ADAMTS7: variants seen among roughly 807,000 people sequenced by gnomAD.
ADAMTS7 encodes ADAM metallopeptidase with thrombospondin type 1 motif 7, also known as A disintegrin and metalloproteinase with thrombospondin motifs 7.
A neutral mutation model predicts 172.6 loss-of-function variants in ADAMTS7; 89 were observed. The ratio of observed to expected loss-of-function variants is 0.52; its 90% CI spans 0.43 to 0.61. ADAMTS7 has a LOEUF of 0.61. Among genes scored for constraint, ADAMTS7 ranks in the 20% least tolerant of loss-of-function variants. The probability of loss-of-function intolerance (pLI) is 0.00; values close to 1 mark genes in which losing one functional copy is unlikely to be tolerated. For synonymous variants in ADAMTS7, 885 were observed against 978.4 expected, an observed-to-expected ratio of 0.90 and a Z score of 1.78; for missense variants, 1,973 against 2,355.6, an observed-to-expected ratio of 0.84 and a Z score of 3.36.
At position 78,764,691 on chromosome 15, in the gene ADAMTS7, C is replaced by T; in HGVS notation, c.4283G>A (p.Gly1428Asp). 2.6e-6 allele frequency: 4 copies of T among 1,550,920 alleles called. No homozygotes were observed. Among genetic ancestry groups the T allele is most frequent in the Non-Finnish European group, 3.5e-6 (4 of 1,157,384 alleles). ...GNWSECSTTCGLGAVWRPVRC... is the reference protein window; with the variant it reads ...GNWSECSTTCDLGAVWRPVRC... Reference sequence around the variant, plus strand: ...CACCGGCCTCCAGACCGCACCCAGGCCACAGGTGGTAGAGCACTGCGGGGC... The same window carrying T: ...CACCGGCCTCCAGACCGCACCCAGGTCACAGGTGGTAGAGCACTGCGGGGC... The change falls in exon 20 of 24, where the codon GGC becomes GAC. Residue 1428 changes from glycine (G) to aspartate (D), a missense_variant. By Grantham distance (94) the Gly-to-Asp change is moderately conservative. Around this residue, in one of 8 missense-constraint regions of ADAMTS7, gnomAD observed 218 missense variants for 216.9 expected, o/e 1.01. Transcript: ENST00000388820.
intron 2 of ADAMTS7, among the ~76,000 whole-genome samples, chr15:78,798,611 A>T (rs1254065708): frequency 6.6e-6 from 1 of 152,132 alleles, no homozygotes; most frequent in Non-Finnish European, 1.5e-5. Flanking sequence ...ATCCACAGCC[A>T]CACCCGAGCG....
intron 8 of ADAMTS7, among the ~76,000 whole-genome samples, chr15:78,782,877 A>G (rs2055448190): frequency 6.6e-6 from 1 of 152,056 alleles, no homozygotes; most frequent in Admixed American, 6.6e-5. Flanking sequence ...GCCACCTGCC[A>G]CCCAGCAGAG....
At chr15:78,763,512 C>T (rs968868984) in intron 22 of ADAMTS7, among the ~76,000 whole-genome samples, 187 bp downstream of exon 22, 1 of 152,256 alleles carries the variant, frequency 6.6e-6, no homozygotes, top group Non-Finnish European at 1.5e-5. Context: ...CACCACAGCA[C>T]ACGCGCCCTT....
Position 78,766,536 on chromosome 15 carries a change from C to T in ADAMTS7, c.3375G>A (p.Leu1125=), listed in dbSNP as rs753379095. 3 of 1,594,664 alleles carry T rather than the reference C, an allele frequency of 1.9e-6. 1 individual carries two copies. Among genetic ancestry groups the T allele is most frequent in the Non-Finnish European group, 2.6e-6 (3 of 1,170,810 alleles). The change falls in exon 19 of 24, where the codon CTG becomes CTA. Residue 1125 remains leucine, a synonymous_variant. Coordinates refer to ENST00000388820, the MANE Select transcript of ADAMTS7 (RefSeq NM_014272.5). ...EPPAAKEEGV[L]GPWSPSPWPS... is the part of the protein sequence containing the mutation. ...GCCAAGGGCTCGGGGACCAAGGTCC[C>T]AGTACCCCCTCCTCCTTGGCTGCAG...
intron 1 of ADAMTS7, among the ~76,000 whole-genome samples, chr15:78,801,113 G>A (rs1221669114): frequency 6.6e-6 from 1 of 152,044 alleles, no homozygotes; most frequent in Non-Finnish European, 1.5e-5. Context: ...CCCTCCCCTC[G>A]TGTTTTCACC....
intron 1 of ADAMTS7, among the ~76,000 whole-genome samples, chr15:78,807,264 G>T (rs1008025242): frequency 5.9e-5 from 9 of 152,146 alleles, no homozygotes; most frequent in Non-Finnish European, 1.2e-4. Context: ...ATGGAAGCAG[G>T]TATGTAACTG....
Position 78,774,809 on chromosome 15 carries a change from G to A in ADAMTS7, c.1707-16C>T. On this transcript the variant is annotated splice_polypyrimidine_tract_variant and intron_variant, in intron 11 of 23. Coordinates refer to ENST00000388820, the MANE Select transcript of ADAMTS7 (RefSeq NM_014272.5). ...GTATTTGGGCCTGTGGGGAGAACCG[G>A]GGTGGGCCCCAGTGACGGCCCAGTG... 6.3e-7 allele frequency: 1 copy of A among 1,576,504 alleles called. No individual in the cohort carries two copies. The highest frequency in any genetic ancestry group is 8.6e-7 in the Non-Finnish European group (1 of 1,158,490).
intron 3 of ADAMTS7, among the ~76,000 whole-genome samples, chr15:78,797,335 C>G (rs2055658998): frequency 6.6e-6 from 1 of 152,256 alleles, no homozygotes; most frequent in Non-Finnish European, 1.5e-5. Flanking sequence ...AAGAAGCATG[C>G]CTCTGTGGAT....
In ADAMTS7 at chr15:78,766,090, C is replaced by A; in HGVS notation, c.3821G>T (p.Gly1274Val). ...GTVAWEPALEGGLGPVDSELW... is the reference protein window; with the variant it reads ...GTVAWEPALEVGLGPVDSELW... ...TTCACTGTCCACAGGCCCCAGGCCA[C>A]CCTCCAGAGCTGGCTCCCAGGCCAC... Residue 1274 changes from glycine to valine, a missense_variant, in exon 19 of 24, where the codon GGT becomes GTT. Transcript: ENST00000388820. 2.5e-6 allele frequency: 4 copies of A among 1,610,666 alleles called. No individual in the cohort carries two copies. The highest frequency in any genetic ancestry group is 2.2e-5 in the South Asian group (2 of 91,006).
intron 14 of ADAMTS7, among the ~76,000 whole-genome samples, 187 bp from the exon 15 acceptor site, chr15:78,772,016 A>C (rs2055259583): frequency 6.6e-6 from 1 of 151,728 alleles, no homozygotes; most frequent in South Asian, 2.1e-4. Flanking sequence ...ACAAATCCTG[A>C]CCCCGTGGCC....
chr15:78,772,956 G>T, intron 14 of ADAMTS7, 127 bp downstream of exon 14: 13 of 1,268,970 alleles, frequency 1.0e-5, no homozygotes, highest in Non-Finnish European at 1.4e-5. Flanking sequence ...CCCCAGCAAG[G>T]CTTCCCTGCT....
chr15:78,774,691 C>T lies in ADAMTS7; in HGVS notation c.1809G>A (p.Gln603=), dbSNP rs377026196. The change falls in exon 12 of 24, where the codon CAG becomes CAA. Residue 603 remains glutamine (Q), a synonymous_variant. Transcript: ENST00000388820. The stretch of plus-strand genomic sequence containing the variant: ...AGAGCATAGCGTCAAAGTGGCTGCA[C>T]TGGACGTGGCGGAAGGAGGGGCGGC... The part of the protein sequence containing the change: ...PAGRPSFRHV[Q]CSHFDAMLYK... 48 of 1,611,584 alleles carry T rather than the reference C, an allele frequency of 3.0e-5. No individual in the cohort carries two copies. Among genetic ancestry groups the T allele is most frequent in the Non-Finnish European group, 4.0e-5 (47 of 1,179,816 alleles).
At chr15:78,767,646 G>T in intron 17 of ADAMTS7, 54 bp from the exon 18 acceptor site, 1 of 1,475,094 alleles carries the variant, frequency 6.8e-7, no homozygotes, top group Non-Finnish European at 9.1e-7. Context: ...TGGCCTGCAG[G>T]CTCACCAGCA....
intron 1 of ADAMTS7, among the ~76,000 whole-genome samples, chr15:78,807,684 T>C (rs1468695191): frequency 7.3e-6 from 1 of 136,468 alleles, no homozygotes; most frequent in African/African-American, 2.4e-5. Flanking sequence ...TGAGTTAGTA[T>C]GTAAGTGCTT....
intron 8 of ADAMTS7, among the ~76,000 whole-genome samples, chr15:78,778,096 A>T (rs12907764): frequency 1.3e-5 from 2 of 151,788 alleles, no homozygotes; most frequent in African/African-American, 2.4e-5. Flanking sequence ...GCCCAGGGCA[A>T]CCATGCCTGT....
chr15:78,778,064 G>A (rs1310757958), intron 8 of ADAMTS7, among the ~76,000 whole-genome samples: 2 of 152,248 alleles, frequency 1.3e-5, no homozygotes, highest in African/African-American at 4.8e-5. Context: ...GGTCTGGAAA[G>A]CAGCCCCTCC....
intron 6 of ADAMTS7, among the ~76,000 whole-genome samples, chr15:78,790,220 A>T (rs911732556): frequency 6.6e-6 from 1 of 152,174 alleles, no homozygotes; most frequent in Non-Finnish European, 1.5e-5. Context: ...CATCCTTCTG[A>T]TGGGACAGAT....
In ADAMTS7 at chr15:78,766,683, C is replaced by T. The variant is rs2141475552; in HGVS notation, c.3228G>A (p.Leu1076=). 1 of 1,610,934 alleles carries T rather than the reference C, an allele frequency of 6.2e-7. No individual in the cohort carries two copies. The highest frequency in any genetic ancestry group is 1.7e-5 in the Admixed American group (1 of 60,010). Residue 1076 remains leucine (L), a synonymous_variant, in exon 19 of 24, where the codon CTG becomes CTA. Transcript: ENST00000388820. ...CGGGCTCCTCAGAGGGCCCGTAGGA[C>T]AGATCCTCGTGGAAATTGATGAAAT... is the stretch of plus-strand genomic sequence containing the variant. ...DYNFINFHED[L]SYGPSEEPDL...
intron 16 of ADAMTS7, among the ~76,000 whole-genome samples, chr15:78,769,410 G>T (rs1435908782): frequency 1.3e-5 from 2 of 152,168 alleles, no homozygotes; most frequent in African/African-American, 2.4e-5. Context: ...TTCTGATTTT[G>T]TTCAAGACAG....
Sources: allele counts gnomAD v4.1 joint callset (sites outside exome capture counted in the v4.1 genomes callset), GRCh38; gene constraint gnomAD v4.1.1; regional missense constraint gnomAD v4.1.1; transcripts MANE v1.5; gene names NCBI Gene and HGNC (gene_info 2026-07-23, HGNC 2026-07-21).